MACROD2: variants seen among roughly 807,000 people sequenced by gnomAD.
MACROD2 encodes the protein mono-ADP ribosylhydrolase 2.
Under a neutral mutation model 70.4 loss-of-function variants are expected in MACROD2, and 36 were observed. The ratio of observed to expected loss-of-function variants is 0.51; its 90% CI spans 0.39 to 0.68. The LOEUF (loss-of-function observed/expected upper bound fraction) is 0.68, where lower values mean the gene tolerates loss of function less well. MACROD2 is among the 30% of genes least tolerant of loss of function. The probability of loss-of-function intolerance (pLI) is 0.00; values close to 1 mark genes in which losing one functional copy is unlikely to be tolerated. For missense variants in MACROD2, 496 were observed against 538.4 expected, an observed-to-expected ratio of 0.92 and a Z score of 0.78; for synonymous variants, 172 against 178.8, an observed-to-expected ratio of 0.96 and a Z score of 0.30.
chr20:15,571,145 T>C (rs2048371753), intron 8 of MACROD2, among the ~76,000 whole-genome samples: 1 of 152,146 alleles, frequency 6.6e-6, no homozygotes, highest in Non-Finnish European at 1.5e-5. Context: ...AATACAGAAA[T>C]ACTTTTTACT....
At chr20:15,310,355 T>C (rs1265541993) in intron 6 of MACROD2, among the ~76,000 whole-genome samples, 1 of 150,220 alleles carries the variant, frequency 6.7e-6, no homozygotes, top group Non-Finnish European at 1.5e-5. Flanking sequence ...GTAGATTTCA[T>C]GCGTCTGGTC....
chr20:15,142,820 G>A (rs1052616952), intron 5 of MACROD2, among the ~76,000 whole-genome samples: 1 of 152,092 alleles, frequency 6.6e-6, no homozygotes, highest in Non-Finnish European at 1.5e-5. Context: ...CTTCATCCAT[G>A]TCCCTACAAA....
chr20:14,302,845 G>A (rs1054773697), intron 3 of MACROD2, among the ~76,000 whole-genome samples: 1 of 151,938 alleles, frequency 6.6e-6, no homozygotes, highest in African/African-American at 2.4e-5. Context: ...GTAGAGATGG[G>A]GTTTCACCAT....
At position 15,570,338 on chromosome 20, in the gene MACROD2, C is replaced by A. The variant is rs147256959; in HGVS notation, c.645+70491C>A. Among the ~76,000 whole-genome samples the A allele has an allele frequency of 3.6e-3, 546 of 152,248 alleles. 5 individuals carry two copies. Among genetic ancestry groups the A allele is most frequent in the African/African-American group, 0.012 (493 of 41,562 alleles). ...TCATGTAGCTCTTAGAATGTTGGCACTTTGAAATAGTTTTAACCAGTCTGA... is the reference window on the plus strand; with the variant it reads ...TCATGTAGCTCTTAGAATGTTGGCAATTTGAAATAGTTTTAACCAGTCTGA... On this transcript the variant is annotated intron_variant, in intron 8 of 17. Coordinates refer to ENST00000684519, the MANE Select transcript of MACROD2 (RefSeq NM_001351661.2).
intron 1 of MACROD2, among the ~76,000 whole-genome samples, chr20:13,998,907 A>G (rs1046600086): frequency 6.6e-6 from 1 of 151,166 alleles, no homozygotes; most frequent in African/African-American, 2.4e-5. Flanking sequence ...GTGAGCTAAG[A>G]TCGCGCCACT....
chr20:15,160,142 G>T (rs459752), intron 5 of MACROD2, among the ~76,000 whole-genome samples: 89,185 of 151,560 alleles, frequency 0.59, 26,371 homozygotes, highest in East Asian at 0.64. Flanking sequence ...CTTAATATTT[G>T]GCCAGGGTGT....
At chr20:14,451,074 T>C (rs905134195) in intron 3 of MACROD2, among the ~76,000 whole-genome samples, 1 of 152,036 alleles carries the variant, frequency 6.6e-6, no homozygotes, top group Non-Finnish European at 1.5e-5. Context: ...AGGAGTTTTT[T>C]GGGGGGCTGG....
At chr20:14,233,327 C>A (rs2081835996) in intron 3 of MACROD2, among the ~76,000 whole-genome samples, 1 of 152,072 alleles carries the variant, frequency 6.6e-6, no homozygotes, top group African/African-American at 2.4e-5. Context: ...ATTTGTAAAA[C>A]ATTCAATATC....
intron 8 of MACROD2, among the ~76,000 whole-genome samples, chr20:15,798,444 T>C (rs2063694953): frequency 6.6e-6 from 1 of 152,144 alleles, no homozygotes; most frequent in Non-Finnish European, 1.5e-5. Context: ...GTCTGAGTTC[T>C]AAGAGGGAAA....
intron 5 of MACROD2, among the ~76,000 whole-genome samples, chr20:14,995,126 CAACT>C (rs2074938430): frequency 1.3e-5 from 2 of 151,724 alleles, no homozygotes; most frequent in South Asian, 2.1e-4. Flanking sequence ...TTTTAGTAAC[CAACT>C]GTGTACACAA....
intron 7 of MACROD2, among the ~76,000 whole-genome samples, chr20:15,482,874 GGGT>G (rs1359856303): frequency 6.6e-6 from 1 of 151,996 alleles, no homozygotes; most frequent in East Asian, 1.9e-4. Flanking sequence ...TTCTTTGGTG[GGGT>G]GTTTGTTGAA....
intron 3 of MACROD2, among the ~76,000 whole-genome samples, chr20:14,216,204 A>G (rs2081621375): frequency 6.6e-6 from 1 of 152,132 alleles, no homozygotes; most frequent in Non-Finnish European, 1.5e-5. Flanking sequence ...ATGAGGATCC[A>G]GTTTCATTCT....
chr20:15,373,114 T>C (rs1027272319), intron 6 of MACROD2, among the ~76,000 whole-genome samples: 7 of 152,254 alleles, frequency 4.6e-5, no homozygotes, highest in Non-Finnish European at 8.8e-5. Flanking sequence ...CTATACCTTC[T>C]TTTAAAAAGG....
At chr20:15,237,982 A>G (rs996601916) in intron 6 of MACROD2, among the ~76,000 whole-genome samples, 1 of 152,160 alleles carries the variant, frequency 6.6e-6, no homozygotes, top group Admixed American at 6.6e-5. Context: ...AACTGGGCAG[A>G]TATGGGTGGG....
chr20:14,105,506 C>T (rs2054357338), intron 3 of MACROD2, among the ~76,000 whole-genome samples: 1 of 152,164 alleles, frequency 6.6e-6, no homozygotes, highest in South Asian at 2.1e-4. Context: ...ATTTGAGCTT[C>T]TTAGTAGACC....
intron 8 of MACROD2, among the ~76,000 whole-genome samples, chr20:15,647,561 G>A (rs538021882): frequency 7.2e-5 from 11 of 152,006 alleles, no homozygotes; most frequent in Non-Finnish European, 1.0e-4. Context: ...TTTTCTTTCC[G>A]TTTTTGGTAA....
At position 15,558,660 on chromosome 20, in the gene MACROD2, G is replaced by T. The variant is rs1298211845; in HGVS notation, c.645+58813G>T. 5.9e-5 allele frequency among the ~76,000 whole-genome samples: 9 copies of T among 152,184 alleles called. No homozygotes were observed. In the East Asian group the frequency reaches 1.5e-3, roughly 26 times the overall value. On this transcript the variant is annotated intron_variant, in intron 8 of 17. Transcript: ENST00000684519. ...TCTTTTAGTGGCCTCACCAGAATTT[G>T]AAAAGTTATATTCCTTTGATAACAT...
intron 8 of MACROD2, among the ~76,000 whole-genome samples, chr20:15,714,316 C>T (rs550146228): frequency 1.3e-5 from 2 of 152,300 alleles, no homozygotes; most frequent in African/African-American, 4.8e-5. Context: ...CTAAGAAGTC[C>T]CTGGCTCCTG....
chr20:15,557,488 A>G (rs540131161), intron 8 of MACROD2, among the ~76,000 whole-genome samples: 2 of 152,292 alleles, frequency 1.3e-5, no homozygotes, highest in African/African-American at 2.4e-5. Flanking sequence ...TGTAAGCATA[A>G]TCTTTTGTTT....
Sources: allele counts gnomAD v4.1 joint callset (sites outside exome capture counted in the v4.1 genomes callset), GRCh38; gene constraint gnomAD v4.1.1; transcripts MANE v1.5; gene names NCBI Gene and HGNC (gene_info 2026-07-23, HGNC 2026-07-21).